Variants in PDE6B observed in about 807,000 individuals in gnomAD.
PDE6B encodes the protein phosphodiesterase 6B, also known as rod cGMP-specific 3',5'-cyclic phosphodiesterase subunit beta.
In PDE6B, 106 loss-of-function variants were observed where a neutral mutation model predicts 109.0. The ratio of observed to expected loss-of-function variants is 0.97; its 90% CI spans 0.83 to 1.14. PDE6B has a LOEUF of 1.14. PDE6B is among the 50% of genes most tolerant of loss of function. The probability of loss-of-function intolerance (pLI) is 0.00; values close to 1 mark genes in which losing one functional copy is unlikely to be tolerated. For missense variants in PDE6B, 1,193 were observed against 1,155.6 expected, an observed-to-expected ratio of 1.03 and a Z score of -0.47; for synonymous variants, 490 against 471.3, an observed-to-expected ratio of 1.04 and a Z score of -0.51.
At chr4:631,025 G>C (rs1466478189) in intron 1 of PDE6B, among the ~76,000 whole-genome samples, 1 of 152,240 alleles carries the variant, frequency 6.6e-6, no homozygotes, top group East Asian at 1.9e-4. Flanking sequence ...CAGCCAGGAA[G>C]GCAGGGGACC....
chr4:667,985 G>A lies in PDE6B; in HGVS notation c.2482G>A (p.Glu828Lys), dbSNP rs1444868316. 11 of 1,612,282 alleles carry A rather than the reference G, an allele frequency of 6.8e-6. No individual in the cohort carries two copies. Among genetic ancestry groups the A allele is most frequent in the African/African-American group, 1.3e-5 (1 of 74,876 alleles). Residue 828 changes from glutamate (E) to lysine (K), a missense_variant, in exon 21 of 22, where the codon GAG becomes AAG. By Grantham distance (56) the Glu-to-Lys change is moderately conservative. Coordinates refer to ENST00000496514, the MANE Select transcript of PDE6B (RefSeq NM_000283.4). ...VKALEEKEEEERVAAKKVGTE... is the reference protein window; with the variant it reads ...VKALEEKEEEKRVAAKKVGTE... ...GGCTCTGGAGGAGAAGGAGGAGGAG[G>A]AGAGGGTGGCAGCCAAGAAAGGTCT...
At chr4:657,258 C>G in intron 9 of PDE6B, 93 bp from the exon 10 acceptor site, 1 of 1,447,856 alleles carries the variant, frequency 6.9e-7, no homozygotes, top group Non-Finnish European at 9.6e-7. Context: ...AGCCCCAGGA[C>G]CTGCCCGCCG....
Position 664,193 on chromosome 4 carries a change from C to G in PDE6B, c.2101C>G (p.Leu701Val), listed in dbSNP as rs1440353483. ...DKKSWVEYLS[L>V]ETTRKEIVMA... Reference sequence around the variant, plus strand: ...GAAGAGCTGGGTGGAGTACCTGTCCCTGGAGACGACCCGGAAGGAGATCGT... The same window carrying G: ...GAAGAGCTGGGTGGAGTACCTGTCCGTGGAGACGACCCGGAAGGAGATCGT... Residue 701 changes from leucine (L) to valine (V), a missense_variant, in exon 17 of 22, where the codon CTG (leucine) becomes GTG (valine). Transcript: ENST00000496514. 1 of 1,607,652 alleles carries G rather than the reference C, an allele frequency of 6.2e-7. No individual in the cohort carries two copies. The highest frequency in any genetic ancestry group is 8.5e-7 in the Non-Finnish European group (1 of 1,174,514).
At chr4:653,700 C>G (rs1735815385) in intron 3 of PDE6B, 152 bp from the exon 4 acceptor site, 1 of 878,870 alleles carries the variant, frequency 1.1e-6, no homozygotes, top group African/African-American at 1.6e-5. Flanking sequence ...ACGGAGCCAC[C>G]AATCAGGGTC....
At chr4:628,031 C>T (rs2109118775) in intron 1 of PDE6B, among the ~76,000 whole-genome samples, 1 of 152,298 alleles carries the variant, frequency 6.6e-6, no homozygotes, top group South Asian at 2.1e-4. Flanking sequence ...CGAGGCCTCT[C>T]CCCTGCCCAG....
At chr4:630,560 G>A (rs1309242285) in intron 1 of PDE6B, among the ~76,000 whole-genome samples, 3 of 152,228 alleles carry the variant, frequency 2.0e-5, no homozygotes, top group Non-Finnish European at 2.9e-5. Context: ...GAGGAGGGCA[G>A]AGGGCAGAGT....
chr4:658,449 G>A (rs963123520), intron 10 of PDE6B, among the ~76,000 whole-genome samples: 1 of 151,138 alleles, frequency 6.6e-6, no homozygotes, highest in Non-Finnish European at 1.5e-5. Context: ...CTGTGCGGTG[G>A]GGGCAGGTCA....
At chr4:634,135 A>T (rs1734525191) in intron 1 of PDE6B, among the ~76,000 whole-genome samples, 1 of 152,046 alleles carries the variant, frequency 6.6e-6, no homozygotes, top group Non-Finnish European at 1.5e-5. Context: ...CCCAGGAGTG[A>T]AAGGACTCCC....
chr4:656,972 C>T lies in PDE6B; in HGVS notation c.1206C>T (p.Tyr402=). 1 of 1,613,308 alleles carries T rather than the reference C, an allele frequency of 6.2e-7. No individual in the cohort carries two copies. Among genetic ancestry groups the T allele is most frequent in the Non-Finnish European group, 8.5e-7 (1 of 1,179,922 alleles). Residue 402 remains tyrosine, a synonymous_variant, in exon 9 of 22, where the codon TAC becomes TAT. Coordinates refer to ENST00000496514, the MANE Select transcript of PDE6B (RefSeq NM_000283.4). ...AGATTGTGGGAGTCGCCACATTTTACAACAGGAAAGACGGGAAGCCCTTTG... is the reference window on the plus strand; with the variant it reads ...AGATTGTGGGAGTCGCCACATTTTATAACAGGAAAGACGGGAAGCCCTTTG... The part of the protein sequence containing the change: ...KEEIVGVATF[Y]NRKDGKPFDE...
intron 3 of PDE6B, among the ~76,000 whole-genome samples, chr4:640,420 T>A (rs1281609955): frequency 1.3e-5 from 2 of 151,970 alleles, no homozygotes. Context: ...GCACCTGTAA[T>A]CCCAGTTACT....
chr4:640,891 G>T (rs1395131496), intron 3 of PDE6B, among the ~76,000 whole-genome samples: 1 of 152,222 alleles, frequency 6.6e-6, no homozygotes, highest in African/African-American at 2.4e-5. Flanking sequence ...CTGTTCCACT[G>T]TTGTATGTGT....
At chr4:627,466 C>G (rs889324841) in intron 1 of PDE6B, among the ~76,000 whole-genome samples, 1 of 152,108 alleles carries the variant, frequency 6.6e-6, no homozygotes, top group African/African-American at 2.4e-5. Flanking sequence ...ATCCTCTTAT[C>G]CCAATGGCAG....
Position 666,169 on chromosome 4 carries a change from C to T in PDE6B, c.2269-362C>T, listed in dbSNP as rs1052133914. On this transcript the variant is annotated intron_variant, in intron 19 of 21. Transcript: ENST00000496514. The surrounding 1 kb of genome is among the most constrained non-coding windows in gnomAD (Gnocchi z 5.6). ...AGTGCACAGCGAGGTCCTGGTCAGC[C>T]GAGTGTCTGGGCAGTGCAGCCCAGC... Among the ~76,000 whole-genome samples, 4 of 152,120 alleles carry T rather than the reference C, an allele frequency of 2.6e-5. No individual in the cohort carries two copies. The highest frequency in any genetic ancestry group is 1.9e-4 in the East Asian group (1 of 5,184).
intron 1 of PDE6B, among the ~76,000 whole-genome samples, chr4:632,065 A>T (rs13127213): frequency 2.6e-5 from 3 of 115,686 alleles, no homozygotes; most frequent in African/African-American, 1.0e-4. Context: ...GTGTGGATCT[A>T]TGTGACACCA....
At chr4:656,339 G>A in intron 8 of PDE6B, 47 bp downstream of exon 8, 2 of 1,236,910 alleles carry the variant, frequency 1.6e-6, no homozygotes, top group Middle Eastern at 1.9e-4. Context: ...TACAAAAGAG[G>A]AGATTTTGAT....
chr4:669,656 T>G (rs530123584), intron 21 of PDE6B, among the ~76,000 whole-genome samples: 1 of 110,542 alleles, frequency 9.0e-6, no homozygotes, highest in African/African-American at 4.5e-5. Context: ...CCCCATGCTA[T>G]TCCCGCTACG....
At chr4:657,141 G>C in intron 9 of PDE6B, 118 bp downstream of exon 9, 1 of 1,227,314 alleles carries the variant, frequency 8.1e-7, no homozygotes, top group Non-Finnish European at 1.2e-6. Context: ...TGTGTGTGCG[G>C]TATGCATGCG....
At chr4:641,784 C>T (rs562491472) in intron 3 of PDE6B, among the ~76,000 whole-genome samples, 15 of 152,148 alleles carry the variant, frequency 9.9e-5, no homozygotes, top group Non-Finnish European at 1.9e-4. Context: ...GTAGCTGAGA[C>T]TACTGATGTG....
At chr4:649,648 C>T (rs900947594) in intron 3 of PDE6B, among the ~76,000 whole-genome samples, 2 of 149,174 alleles carry the variant, frequency 1.3e-5, no homozygotes, top group African/African-American at 5.2e-5. Flanking sequence ...CCCACAGAGG[C>T]CTGGGAAGAC....
Sources: gnomAD v4.1 joint callset for allele counts (sites outside exome capture counted in the v4.1 genomes callset) on GRCh38, gnomAD v4.1.1 for gene constraint, Gnocchi (gnomAD v3.1) non-coding constraint, MANE v1.5 for transcripts, NCBI Gene and HGNC (gene_info 2026-07-23, HGNC 2026-07-21) for gene names.